Variants in LETM1 observed in about 807,000 individuals in gnomAD.
LETM1 encodes leucine zipper and EF-hand containing transmembrane protein 1.
In LETM1, 50 loss-of-function variants were observed where a neutral mutation model predicts 74.5. The ratio of observed to expected loss-of-function variants is 0.67; its 90% CI spans 0.53 to 0.85. The LOEUF (loss-of-function observed/expected upper bound fraction) is 0.85. Among genes scored for constraint, LETM1 ranks in the 40% least tolerant of loss-of-function variants. LETM1 has a pLI of 0.00. For missense variants in LETM1, 824 were observed against 967.8 expected, an observed-to-expected ratio of 0.85 and a Z score of 1.97; for synonymous variants, 446 against 407.1, an observed-to-expected ratio of 1.10 and a Z score of -1.15.
At chr4:1,819,833 G>A (rs1454876348) in intron 10 of LETM1, among the ~76,000 whole-genome samples, 1 of 152,164 alleles carries the variant, frequency 6.6e-6, no homozygotes, top group Non-Finnish European at 1.5e-5. Flanking sequence ...CTGCAGACTC[G>A]GGTGCACTTT....
intron 3 of LETM1, among the ~76,000 whole-genome samples, chr4:1,838,057 C>T (rs1054853952): frequency 2.6e-4 from 39 of 152,204 alleles, no homozygotes; most frequent in Admixed American, 2.5e-3. Context: ...CTGCAAATCC[C>T]AACCTTTTAG....
intron 6 of LETM1, among the ~76,000 whole-genome samples, chr4:1,831,720 A>T (rs1712276489): frequency 6.6e-6 from 1 of 152,192 alleles, no homozygotes; most frequent in Non-Finnish European, 1.5e-5. Context: ...GCCTTGATTC[A>T]TGGAAATGAC....
At chr4:1,832,366 G>C (rs967922884) in intron 6 of LETM1, among the ~76,000 whole-genome samples, 7 of 152,268 alleles carry the variant, frequency 4.6e-5, no homozygotes, top group Admixed American at 4.6e-4. Flanking sequence ...AAAAGGGCGT[G>C]AAGCACAGAG....
At chr4:1,838,637 A>C (rs1051940748) in intron 3 of LETM1, among the ~76,000 whole-genome samples, 2 of 152,226 alleles carry the variant, frequency 1.3e-5, no homozygotes, top group Non-Finnish European at 2.9e-5. Flanking sequence ...ATGAGGTTGC[A>C]ACTGCACTCC....
chr4:1,845,749 G>A (rs948230306), intron 2 of LETM1, among the ~76,000 whole-genome samples: 2 of 152,180 alleles, frequency 1.3e-5, no homozygotes, highest in African/African-American at 4.8e-5. Flanking sequence ...GTTTCGCCAT[G>A]TTGGCCAGGC....
intron 13 of LETM1, among the ~76,000 whole-genome samples, chr4:1,815,108 G>A (rs879538173): frequency 9.9e-5 from 15 of 152,232 alleles, no homozygotes; most frequent in Admixed American, 9.8e-4. Flanking sequence ...AAATTGGTGT[G>A]CGCACTCAGG....
intron 2 of LETM1, 115 bp from the exon 3 acceptor site, chr4:1,841,912 AC>A: frequency 1.3e-6 from 1 of 756,832 alleles, no homozygotes; most frequent in Non-Finnish European, 2.2e-6. Flanking sequence ...CCATGTCACA[AC>A]CACACACAAT....
In LETM1 at chr4:1,822,268, C is replaced by T. The variant is rs146433419; in HGVS notation, c.1521G>A (p.Pro507=). The change falls in exon 10 of 14, where the codon CCG becomes CCA. Residue 507 remains proline, a synonymous_variant. Transcript: ENST00000302787. ...PERVVAAPQR[P]GTEPQPEMPD... ...GCATTTCTGGCTGTGGCTCGGTCCCCGGCCTTTGGGGAGCAGCTACCACAC... is the reference window on the plus strand; with the variant it reads ...GCATTTCTGGCTGTGGCTCGGTCCCTGGCCTTTGGGGAGCAGCTACCACAC... The T allele has an allele frequency of 2.4e-4, 366 of 1,542,160 alleles. No individual in the cohort carries two copies. Among genetic ancestry groups the T allele is most frequent in the Non-Finnish European group, 3.0e-4 (339 of 1,137,154 alleles).
chr4:1,817,076 C>T (rs771662257), intron 11 of LETM1, among the ~76,000 whole-genome samples, 162 bp from the exon 12 acceptor site: 17 of 151,616 alleles, frequency 1.1e-4, no homozygotes, highest in Admixed American at 4.6e-4. Flanking sequence ...TGAAACCCCG[C>T]CTCTACTAAA....
chr4:1,855,748 C>T (rs2108860381), intron 1 of LETM1, 121 bp downstream of exon 1: 3 of 574,388 alleles, frequency 5.2e-6, no homozygotes, highest in Non-Finnish European at 7.4e-6. Context: ...GCAGGGGCTC[C>T]GGAGGCCGGG....
At position 1,834,079 on chromosome 4, in the gene LETM1, G is replaced by C. The variant is rs1285212002; in HGVS notation, c.876+766C>G. 1 of 152,370 alleles carries C rather than the reference G, an allele frequency of 6.6e-6. No homozygotes were observed. Among genetic ancestry groups the C allele is most frequent in the Non-Finnish European group, 1.5e-5 (1 of 68,134 alleles). 9.4% of individuals were successfully genotyped at this position (152,370 alleles called of 1,614,324 possible). ...CTCCCGAGAGGCTTCTCCGTGGTTA[G>C]GCCTCAGCCTGGCAGTCTTTTCTGT... On this transcript the variant is annotated intron_variant, in intron 5 of 13. Transcript: ENST00000302787. The surrounding 1 kb of genome is among the most constrained non-coding windows in gnomAD (Gnocchi z 5.0).
At chr4:1,850,569 G>A (rs1713034029) in intron 1 of LETM1, among the ~76,000 whole-genome samples, 2 of 151,578 alleles carry the variant, frequency 1.3e-5, no homozygotes, top group South Asian at 4.2e-4. Context: ...CGTGAACCCG[G>A]GAGGCGGAGC....
chr4:1,821,949 G>A (rs372916698), intron 10 of LETM1, among the ~76,000 whole-genome samples: 17 of 152,314 alleles, frequency 1.1e-4, no homozygotes, highest in South Asian at 6.2e-4. Context: ...TCACGGCAGC[G>A]TCAGCTGCTG....
intron 6 of LETM1, among the ~76,000 whole-genome samples, chr4:1,828,355 G>A (rs1712095324): frequency 1.6e-5 from 2 of 127,706 alleles, no homozygotes; most frequent in African/African-American, 6.4e-5. Flanking sequence ...CTCCCGGACG[G>A]GGCGGCTGGC....
intron 5 of LETM1, chr4:1,833,449 G>C (rs764929401): frequency 3.5e-5 from 6 of 171,114 alleles, no homozygotes; most frequent in Non-Finnish European, 6.4e-5. Flanking sequence ...AGACGCCCGG[G>C]CCCACAGGCT....
At chr4:1,829,013 C>T (rs1412534585) in intron 6 of LETM1, among the ~76,000 whole-genome samples, 8 of 109,126 alleles carry the variant, frequency 7.3e-5, no homozygotes, top group South Asian at 6.2e-4. Flanking sequence ...ACCTCCCTCC[C>T]GGACGGGGCG....
chr4:1,849,973 G>A (rs1210414765), intron 1 of LETM1, among the ~76,000 whole-genome samples: 1 of 152,266 alleles, frequency 6.6e-6, no homozygotes, highest in East Asian at 1.9e-4. Context: ...CTTGACCAGC[G>A]GTGAAACCTC....
At chr4:1,819,278 C>T (rs916619703) in intron 11 of LETM1, 60 bp downstream of exon 11, 2 of 1,525,778 alleles carry the variant, frequency 1.3e-6, no homozygotes, top group African/African-American at 1.4e-5. Context: ...ACTTTTGGGG[C>T]CAGTACAGCG....
chr4:1,839,332 T>C (rs1712605492), intron 3 of LETM1: 1 of 152,114 alleles, frequency 6.6e-6, no homozygotes, highest in East Asian at 1.9e-4. Flanking sequence ...CAGACAGACG[T>C]TGAAGCAGTT....
Sources: gnomAD v4.1 joint callset for allele counts (sites outside exome capture counted in the v4.1 genomes callset) on GRCh38, gnomAD v4.1.1 for gene constraint, Gnocchi (gnomAD v3.1) non-coding constraint, MANE v1.5 for transcripts, NCBI Gene and HGNC (gene_info 2026-07-23, HGNC 2026-07-21) for gene names.